FAM174A: variants seen among roughly 807,000 people sequenced by gnomAD.
The protein encoded by FAM174A is membrane protein FAM174A.
In FAM174A, 14 loss-of-function variants were observed where a neutral mutation model predicts 14.3. That is an observed-to-expected ratio of 0.98 (90% CI 0.65 to 1.53). FAM174A has a LOEUF of 1.53. Among genes scored for constraint, FAM174A ranks in the 40% most tolerant of loss-of-function variants. FAM174A has a pLI of 0.00. For missense variants in FAM174A, 241 were observed against 249.6 expected, an observed-to-expected ratio of 0.97 and a Z score of 0.23; for synonymous variants, 108 against 111.4, an observed-to-expected ratio of 0.97 and a Z score of 0.19.
At chr5:100,571,825 C>T (rs905755819) in intron 2 of FAM174A, among the ~76,000 whole-genome samples, 2 of 151,648 alleles carry the variant, frequency 1.3e-5, no homozygotes, top group African/African-American at 4.8e-5. Context: ...TACAAATACC[C>T]TGCAATGGAT....
intron 1 of FAM174A, among the ~76,000 whole-genome samples, chr5:100,552,034 C>T (rs1746272608): frequency 6.6e-6 from 1 of 151,980 alleles, no homozygotes; most frequent in African/African-American, 2.4e-5. Flanking sequence ...CAGACATATC[C>T]CTTATTAGTA....
chr5:100,564,501 G>A (rs1399237921), intron 2 of FAM174A, among the ~76,000 whole-genome samples: 1 of 151,732 alleles, frequency 6.6e-6, no homozygotes, highest in Non-Finnish European at 1.5e-5. Flanking sequence ...TTAAGCCTAA[G>A]CCTAAAATTA....
At chr5:100,554,169 A>G (rs1216294492) in intron 1 of FAM174A, among the ~76,000 whole-genome samples, 1 of 152,130 alleles carries the variant, frequency 6.6e-6, no homozygotes, top group Non-Finnish European at 1.5e-5. Context: ...ATAACTTTCA[A>G]TATCCTTAAC....
intron 1 of FAM174A, among the ~76,000 whole-genome samples, 198 bp from the exon 2 acceptor site, chr5:100,561,856 C>T (rs868549800): frequency 6.6e-6 from 1 of 151,614 alleles, no homozygotes; most frequent in African/African-American, 2.4e-5. Flanking sequence ...AAGAAACAGG[C>T]GATGGCACAT....
At chr5:100,537,544 A>G (rs1745965032) in intron 1 of FAM174A, among the ~76,000 whole-genome samples, 1 of 152,156 alleles carries the variant, frequency 6.6e-6, no homozygotes, top group Non-Finnish European at 1.5e-5. Context: ...TAAGAATGTA[A>G]AGAAATCCAA....
chr5:100,567,867 G>A (rs1020770590), intron 2 of FAM174A, among the ~76,000 whole-genome samples: 1 of 151,744 alleles, frequency 6.6e-6, no homozygotes. Flanking sequence ...CCTGTTTAAG[G>A]TTTTCCTTAA....
At chr5:100,537,494 T>A (rs1230909132) in intron 1 of FAM174A, among the ~76,000 whole-genome samples, 1 of 152,188 alleles carries the variant, frequency 6.6e-6, no homozygotes, top group Non-Finnish European at 1.5e-5. Context: ...ATATGTGTAA[T>A]TCACATAAAT....
chr5:100,572,928 T>C (rs2112397144), intron 2 of FAM174A, among the ~76,000 whole-genome samples: 1 of 152,342 alleles, frequency 6.6e-6, no homozygotes, highest in Admixed American at 6.5e-5. Flanking sequence ...TTCCTGACTT[T>C]TGAATGATTG....
At chr5:100,553,616 A>C (rs1746307125) in intron 1 of FAM174A, among the ~76,000 whole-genome samples, 1 of 152,112 alleles carries the variant, frequency 6.6e-6, no homozygotes, top group South Asian at 2.1e-4. Flanking sequence ...ATTCATTTAG[A>C]TTTGAACTGC....
intron 2 of FAM174A, among the ~76,000 whole-genome samples, chr5:100,569,551 T>C (rs1355862849): frequency 6.6e-6 from 1 of 151,850 alleles, no homozygotes; most frequent in Non-Finnish European, 1.5e-5. Flanking sequence ...TGTGTTTTTG[T>C]ATTGTTGGAG....
At chr5:100,549,567 C>G (rs190936419) in intron 1 of FAM174A, among the ~76,000 whole-genome samples, 1 of 151,010 alleles carries the variant, frequency 6.6e-6, no homozygotes, top group African/African-American at 2.4e-5. Context: ...TCAAGGAAAA[C>G]AAGGTTGCAG....
In FAM174A at chr5:100,535,713, C is replaced by G. The variant is rs1561309802; in HGVS notation, c.183C>G (p.Thr61=). 6.2e-7 allele frequency: 1 copy of G among 1,606,550 alleles called. No homozygotes were observed. Among genetic ancestry groups the G allele is most frequent in the Non-Finnish European group, 8.5e-7 (1 of 1,177,828 alleles). ...TACCGCCGCTGCCACCGGGCCCTAC[C>G]CCTGCCCAGCAGCCGGGCCGTGGTC... ...RTLPPLPPGP[T]PAQQPGRGLA... is the part of the protein sequence containing the mutation. Residue 61 remains threonine (T), a synonymous_variant, in exon 1 of 3, where the codon ACC becomes ACG. Coordinates refer to ENST00000312637, the MANE Select transcript of FAM174A (RefSeq NM_198507.3).
At chr5:100,542,257 G>A (rs1746071034) in intron 1 of FAM174A, among the ~76,000 whole-genome samples, 1 of 152,168 alleles carries the variant, frequency 6.6e-6, no homozygotes, top group Non-Finnish European at 1.5e-5. Context: ...CTTCTTACGG[G>A]ATAGATGATT....
At chr5:100,566,667 C>T (rs773735742) in intron 2 of FAM174A, among the ~76,000 whole-genome samples, 31 of 151,708 alleles carry the variant, frequency 2.0e-4, no homozygotes, top group Non-Finnish European at 3.2e-4. Flanking sequence ...GATTGTTTCA[C>T]GTAGTATATG....
intron 2 of FAM174A, among the ~76,000 whole-genome samples, chr5:100,572,766 C>T (rs946207316): frequency 2.6e-5 from 4 of 152,238 alleles, no homozygotes; most frequent in Admixed American, 1.3e-4. Flanking sequence ...GGTATATACC[C>T]AGTAATGGGA....
chr5:100,583,743 G>T (rs1224750861), intron 2 of FAM174A, among the ~76,000 whole-genome samples: 1 of 151,982 alleles, frequency 6.6e-6, no homozygotes, highest in Non-Finnish European at 1.5e-5. Flanking sequence ...GTTTCCTCCA[G>T]CAGAACTTAC....
intron 1 of FAM174A, among the ~76,000 whole-genome samples, chr5:100,548,430 G>A (rs1173332611): frequency 6.6e-6 from 1 of 152,054 alleles, no homozygotes; most frequent in African/African-American, 2.4e-5. Context: ...ACATAAGGAT[G>A]AACTAGAAAA....
chr5:100,578,922 T>C (rs918657687), intron 2 of FAM174A, among the ~76,000 whole-genome samples: 3 of 151,814 alleles, frequency 2.0e-5, no homozygotes, highest in Non-Finnish European at 4.4e-5. Context: ...GCAGCATGCA[T>C]AGCCCAATGT....
intron 2 of FAM174A, among the ~76,000 whole-genome samples, chr5:100,576,713 T>C (rs1746912898): frequency 6.6e-6 from 1 of 152,150 alleles, no homozygotes; most frequent in Admixed American, 6.6e-5. Flanking sequence ...TACAGTCAAA[T>C]GGGGAAAAAT....
Sources: allele counts gnomAD v4.1 joint callset (sites outside exome capture counted in the v4.1 genomes callset), GRCh38; gene constraint gnomAD v4.1.1; transcripts MANE v1.5; gene names NCBI Gene and HGNC (gene_info 2026-07-23, HGNC 2026-07-21).